Variants in MAML2 observed in about 807,000 individuals in gnomAD.
MAML2 encodes mastermind-like protein 2.
In MAML2, 22 loss-of-function variants were observed where a neutral mutation model predicts 96.1. That is an observed-to-expected ratio of 0.23 (90% CI 0.16 to 0.33). MAML2 has a LOEUF of 0.33. MAML2 is among the 10% of genes least tolerant of loss of function. The pLI is 1.00. For missense variants in MAML2, 1,367 were observed against 1,392.4 expected (o/e 0.98, Z 0.29); for synonymous variants, 561 against 521.3 (o/e 1.08, Z -1.04).
chr11:96,185,247 G>A (rs1289133383), intron 1 of MAML2, among the ~76,000 whole-genome samples: 1 of 151,328 alleles, frequency 6.6e-6, no homozygotes, highest in African/African-American at 2.5e-5. Flanking sequence ...GCAGTTGTCA[G>A]AAATAACAGG....
intron 2 of MAML2, among the ~76,000 whole-genome samples, chr11:95,993,045 TTTTAAA>T (rs956513884): frequency 6.6e-6 from 1 of 151,806 alleles, no homozygotes; most frequent in Non-Finnish European, 1.5e-5. Context: ...CCTGGCTAAT[TTTTAAA>T]TTTTTTTTAG....
intron 1 of MAML2, among the ~76,000 whole-genome samples, chr11:96,194,318 T>C (rs1348907539): frequency 6.6e-6 from 1 of 152,222 alleles, no homozygotes; most frequent in Admixed American, 6.5e-5. Context: ...CAATACTGTG[T>C]ATACATAGTT....
intron 1 of MAML2, among the ~76,000 whole-genome samples, chr11:96,206,707 C>A (rs1861901186): frequency 6.6e-6 from 1 of 152,158 alleles, no homozygotes; most frequent in South Asian, 2.1e-4. Context: ...ATGTTTTCTT[C>A]TTTTATTCTT....
At chr11:96,282,293 G>A (rs761639616) in intron 1 of MAML2, among the ~76,000 whole-genome samples, 1 of 151,762 alleles carries the variant, frequency 6.6e-6, no homozygotes, top group Non-Finnish European at 1.5e-5. Context: ...CTGCATGTAT[G>A]TACTTGGCAT....
intron 1 of MAML2, among the ~76,000 whole-genome samples, chr11:96,245,234 T>C (rs1031755709): frequency 2.2e-4 from 30 of 137,480 alleles, no homozygotes; most frequent in Non-Finnish European, 3.3e-4. Context: ...TTTTTTTTTT[T>C]CCAAAACAAA....
intron 1 of MAML2, among the ~76,000 whole-genome samples, chr11:96,125,706 T>C (rs978565737): frequency 1.3e-5 from 2 of 152,142 alleles, no homozygotes; most frequent in Admixed American, 1.3e-4. Context: ...AGGCAATGAG[T>C]AAAGGTCCTC....
At chr11:96,214,686 A>G (rs1862022072) in intron 1 of MAML2, among the ~76,000 whole-genome samples, 1 of 152,192 alleles carries the variant, frequency 6.6e-6, no homozygotes, top group Admixed American at 6.5e-5. Context: ...CTTCTAGGTC[A>G]TTGGCCAACA....
intron 2 of MAML2, among the ~76,000 whole-genome samples, chr11:96,076,445 C>CTT (rs1859440355): frequency 1.4e-5 from 1 of 73,472 alleles, no homozygotes; most frequent in African/African-American, 3.4e-5. Context: ...CACACACACA[C>CTT]ACACACACAC....
intron 1 of MAML2, among the ~76,000 whole-genome samples, chr11:96,187,130 C>G (rs1374666181): frequency 6.6e-6 from 1 of 152,088 alleles, no homozygotes; most frequent in Non-Finnish European, 1.5e-5. Context: ...TCTTTCTTAC[C>G]TCTGTGAATC....
chr11:96,230,488 GT>G (rs1862278442), intron 1 of MAML2, among the ~76,000 whole-genome samples: 1 of 152,134 alleles, frequency 6.6e-6, no homozygotes, highest in Non-Finnish European at 1.5e-5. Flanking sequence ...GAAGAACAAG[GT>G]TGTAACTTAA....
chr11:96,064,216 A>G (rs1258337052), intron 2 of MAML2, among the ~76,000 whole-genome samples: 2 of 152,228 alleles, frequency 1.3e-5, no homozygotes, highest in Non-Finnish European at 2.9e-5. Context: ...CCCAACCAGC[A>G]GGGTGATTCA....
Position 96,321,123 on chromosome 11 carries a change from C to T in MAML2, c.513+20260G>A, listed in dbSNP as rs186549750. The stretch of plus-strand genomic sequence containing the variant: ...ACAGCATATGGCTGCCCACTGGGCT[C>T]GTGACCCTGAAAACATACTTCCAGA... On this transcript the variant is annotated intron_variant, in intron 1 of 4. Transcript: ENST00000524717. Among the ~76,000 whole-genome samples the T allele has an allele frequency of 3.1e-3, 472 of 152,292 alleles. 4 individuals are homozygous for T. Among genetic ancestry groups the T allele is most frequent in the African/African-American group, 0.011 (455 of 41,560 alleles).
chr11:96,154,757 C>T (rs765414180), intron 1 of MAML2, among the ~76,000 whole-genome samples: 1 of 152,230 alleles, frequency 6.6e-6, no homozygotes, highest in African/African-American at 2.4e-5. Flanking sequence ...CATTAACTTA[C>T]GATTCAGGAT....
intron 1 of MAML2, among the ~76,000 whole-genome samples, chr11:96,258,331 A>G (rs1393992224): frequency 6.6e-6 from 1 of 152,220 alleles, no homozygotes; most frequent in Non-Finnish European, 1.5e-5. Context: ...ACTACGACAA[A>G]AAACATTAGC....
chr11:96,169,357 C>T (rs1861244137), intron 1 of MAML2, among the ~76,000 whole-genome samples: 1 of 152,226 alleles, frequency 6.6e-6, no homozygotes, highest in Non-Finnish European at 1.5e-5. Context: ...TCTCTTTCCT[C>T]CTGCTCTGCC....
At chr11:96,108,825 G>A (rs1860070540) in intron 1 of MAML2, among the ~76,000 whole-genome samples, 1 of 152,056 alleles carries the variant, frequency 6.6e-6, no homozygotes, top group South Asian at 2.1e-4. Context: ...TTGAGTCCAG[G>A]AGTTCGAGAC....
Position 95,982,700 on chromosome 11 carries a change from C to T in MAML2, c.2456-2737G>A, listed in dbSNP as rs188216203. On this transcript the variant is annotated intron_variant, in intron 4 of 4. Coordinates refer to ENST00000524717, the MANE Select transcript of MAML2 (RefSeq NM_032427.4). ...AAGGGCGCCCAGCTTTTTCAAAGCT[C>T]GCTCATAGGCCATGGTATTAAAAAA... Among the ~76,000 whole-genome samples the T allele has an allele frequency of 7.2e-5, 11 of 152,166 alleles. No homozygotes were observed. In the East Asian group the frequency reaches 1.5e-3, roughly 21 times the overall value.
At chr11:95,998,761 G>T (rs1450743918) in intron 2 of MAML2, among the ~76,000 whole-genome samples, 1 of 152,148 alleles carries the variant, frequency 6.6e-6, no homozygotes, top group East Asian at 1.9e-4. Context: ...TTAGCTTGAG[G>T]CAAATAAAAC....
At chr11:96,178,038 AT>A (rs58019364) in intron 1 of MAML2, among the ~76,000 whole-genome samples, 29,204 of 147,840 alleles carry the variant, frequency 0.2, 3,201 homozygotes, top group Non-Finnish European at 0.23. Context: ...TAAAAAAAAA[AT>A]AAATATCACA....
Sources: allele counts gnomAD v4.1 joint callset (sites outside exome capture counted in the v4.1 genomes callset), GRCh38; gene constraint gnomAD v4.1.1; transcripts MANE v1.5; gene names NCBI Gene and HGNC (gene_info 2026-07-23, HGNC 2026-07-21).